The following PRIM2 variants were observed in gnomAD, a reference collection of about 807,000 sequenced individuals.
PRIM2 encodes the protein DNA primase large subunit.
PRIM2 carries 39 observed loss-of-function variants against 67.3 expected under a neutral mutation model. The ratio of observed to expected loss-of-function variants is 0.58; its 90% CI spans 0.45 to 0.76. The LOEUF is 0.76. Ranked by LOEUF, PRIM2 falls within the 30% of genes least tolerant of loss-of-function variation. The pLI, the probability that PRIM2 is intolerant of heterozygous loss-of-function variation, is 0.00. For missense variants in PRIM2, 398 were observed against 598.7 expected (o/e 0.66, Z 3.50); for synonymous variants, 143 against 198.7 (o/e 0.72, Z 2.36).
At chr6:57,345,451 G>A (rs565669107) in intron 5 of PRIM2, among the ~76,000 whole-genome samples, 279 of 148,002 alleles carry the variant, frequency 1.9e-3, no homozygotes, top group Non-Finnish European at 2.6e-3. Flanking sequence ...ACAGGCGTGA[G>A]CCACCATGCC....
At chr6:57,583,622 G>A (rs1464468114) in intron 10 of PRIM2, among the ~76,000 whole-genome samples, 1 of 151,464 alleles carries the variant, frequency 6.6e-6, no homozygotes, top group African/African-American at 2.4e-5. Context: ...TGTGAATAAT[G>A]CCGCAATAAA....
At chr6:57,482,363 T>C (rs1394553840) in intron 7 of PRIM2, among the ~76,000 whole-genome samples, 1 of 152,082 alleles carries the variant, frequency 6.6e-6, no homozygotes, top group East Asian at 1.9e-4. Flanking sequence ...GGAAGAGCAC[T>C]AGTAAGCAAA....
the PRIM2 span, among the ~76,000 whole-genome samples, chr6:57,278,500 C>G: frequency 6.6e-6 from 1 of 152,174 alleles, no homozygotes; most frequent in African/African-American, 2.4e-5. Flanking sequence ...AAATAACACA[C>G]TATTCTGTTG....
intron 10 of PRIM2, among the ~76,000 whole-genome samples, chr6:57,539,890 T>C (rs1185678417): frequency 2.9e-4 from 44 of 150,904 alleles, no homozygotes; most frequent in African/African-American, 1.0e-3. Flanking sequence ...GCTACTGGGG[T>C]GGCTGAGTCA....
intron 8 of PRIM2, among the ~76,000 whole-genome samples, chr6:57,524,641 C>T (rs1554349200): frequency 0.16 from 24,207 of 151,556 alleles, 2,106 homozygotes; most frequent in Non-Finnish European, 0.21. Context: ...GCAGAGGTTG[C>T]GGTGAGCCGA....
At chr6:57,574,312 A>G (rs1379189174) in intron 10 of PRIM2, among the ~76,000 whole-genome samples, 1 of 152,046 alleles carries the variant, frequency 6.6e-6, no homozygotes, top group Non-Finnish European at 1.5e-5. Flanking sequence ...TTTGCTACCA[A>G]GGCTTTTGAG....
chr6:57,519,832 A>G (rs2127463823), intron 8 of PRIM2, among the ~76,000 whole-genome samples: 1 of 152,356 alleles, frequency 6.6e-6, no homozygotes. Context: ...GACAGGCGTA[A>G]GAAATTATAA....
chr6:57,230,137 T>C, the PRIM2 span, among the ~76,000 whole-genome samples: 2 of 152,146 alleles, frequency 1.3e-5, no homozygotes, highest in Admixed American at 1.3e-4. Flanking sequence ...TGGTGTAGGT[T>C]TTGGGCCTTG....
chr6:57,298,206 A>G, the PRIM2 span, among the ~76,000 whole-genome samples: 1 of 151,940 alleles, frequency 6.6e-6, no homozygotes, highest in Non-Finnish European at 1.5e-5. Context: ...CTAAAGATAC[A>G]AAAAATTAAC....
At chr6:57,549,067 AGTT>A (rs1775348987) in intron 10 of PRIM2, among the ~76,000 whole-genome samples, 1 of 152,208 alleles carries the variant, frequency 6.6e-6, no homozygotes. Flanking sequence ...ATTTATGTCG[AGTT>A]TACTAATGAA....
At chr6:57,454,051 G>T (rs941953430) in intron 7 of PRIM2, among the ~76,000 whole-genome samples, 10 of 152,100 alleles carry the variant, frequency 6.6e-5, no homozygotes, top group Non-Finnish European at 1.3e-4. Context: ...TAATCATGTG[G>T]TTTTTGTCTT....
the PRIM2 span, chr6:57,222,063 G>C: frequency 6.6e-6 from 1 of 152,514 alleles, no homozygotes; most frequent in Admixed American, 6.5e-5. Flanking sequence ...GGCGCCACCG[G>C]CTCCTCCTGG....
intron 8 of PRIM2, among the ~76,000 whole-genome samples, chr6:57,513,511 GC>G (rs1774411729): frequency 6.6e-6 from 1 of 151,782 alleles, no homozygotes; most frequent in African/African-American, 2.4e-5. Flanking sequence ...TAAAAATAAC[GC>G]CTACAGTGTA....
At chr6:57,541,328 A>G (rs1339774220) in intron 10 of PRIM2, among the ~76,000 whole-genome samples, 84 of 152,260 alleles carry the variant, frequency 5.5e-4, no homozygotes, top group African/African-American at 2.0e-3. Context: ...ACCTCAGGTG[A>G]TCTTCCTGCC....
At chr6:57,326,792 G>T (rs1021359422) in intron 5 of PRIM2, among the ~76,000 whole-genome samples, 43 of 151,626 alleles carry the variant, frequency 2.8e-4, no homozygotes, top group Non-Finnish European at 1.8e-4. Context: ...AAATAATTTT[G>T]CAGACATATC....
At position 57,537,607 on chromosome 6, in the gene PRIM2, A is replaced by G. The variant is rs1775027061; in HGVS notation, c.1002A>G (p.Gly334=). The part of the protein sequence containing the change: ...LQFWKQEFIK[G]KMDPDKFDKG... ...TCTGGAAGCAAGAATTTATCAAAGG[A>G]AAGATGGATCCAGACAAGGTAATTT... The change falls in exon 10 of 14, where the codon GGA becomes GGG. Residue 334 remains glycine (G), a synonymous_variant. Coordinates refer to ENST00000615550, the MANE Select transcript of PRIM2 (RefSeq NM_000947.5). The G allele has an allele frequency of 3.2e-6, 5 of 1,553,340 alleles. No homozygotes were observed. The highest frequency in any genetic ancestry group is 2.5e-5 in the South Asian group (2 of 78,716).
chr6:57,541,830 A>C (rs1407220646), intron 10 of PRIM2, among the ~76,000 whole-genome samples: 1 of 152,164 alleles, frequency 6.6e-6, no homozygotes, highest in African/African-American at 2.4e-5. Context: ...CACATTAGGT[A>C]GGGCAATCTG....
At chr6:57,566,644 A>G (rs1242064208) in intron 10 of PRIM2, among the ~76,000 whole-genome samples, 4 of 152,110 alleles carry the variant, frequency 2.6e-5, no homozygotes, top group Non-Finnish European at 4.4e-5. Context: ...TGCACTGCCA[A>G]TGGGAGTCAG....
At chr6:57,352,693 T>TGCAAGGAACCCAGTTGTATCTG (rs1768896481) in intron 5 of PRIM2, among the ~76,000 whole-genome samples, 1 of 151,736 alleles carries the variant, frequency 6.6e-6, no homozygotes, top group African/African-American at 2.4e-5. Flanking sequence ...GAAAATGGGC[T>TGCAAGGAACCCAGTTGTATCTG]GCAAGGAACC....
Sources: gnomAD v4.1 joint callset for allele counts (sites outside exome capture counted in the v4.1 genomes callset) on GRCh38, gnomAD v4.1.1 for gene constraint, MANE v1.5 for transcripts, NCBI Gene and HGNC (gene_info 2026-07-23, HGNC 2026-07-21) for gene names.